The following B3GALT1 variants were observed in gnomAD, a reference collection of about 807,000 sequenced individuals.
The protein encoded by B3GALT1 is beta-1,3-galactosyltransferase 1.
Under a neutral mutation model 23.2 loss-of-function variants are expected in B3GALT1, and 10 were observed. The observed-to-expected ratio is 0.43, with a 90% CI of 0.27 to 0.73. B3GALT1 has a LOEUF of 0.73. B3GALT1 is among the 30% of genes least tolerant of loss of function. The pLI is 0.21. For synonymous variants in B3GALT1, 156 were observed against 141.5 expected, an observed-to-expected ratio of 1.10 and a Z score of -0.73; for missense variants, 299 against 405.4, an observed-to-expected ratio of 0.74 and a Z score of 2.25.
chr2:167,455,891 A>G (rs895484858), intron 1 of B3GALT1, among the ~76,000 whole-genome samples: 3 of 152,196 alleles, frequency 2.0e-5, no homozygotes, highest in Non-Finnish European at 2.9e-5. Flanking sequence ...AGAGTACAGC[A>G]TGTTTTAGTC....
intron 3 of B3GALT1, among the ~76,000 whole-genome samples, chr2:167,746,525 A>G (rs1687654723): frequency 6.6e-6 from 1 of 152,240 alleles, no homozygotes; most frequent in African/African-American, 2.4e-5. Context: ...CATAAGTTCA[A>G]CAAATACAGC....
chr2:167,639,177 T>C (rs1389655294), intron 2 of B3GALT1, among the ~76,000 whole-genome samples: 1 of 151,948 alleles, frequency 6.6e-6, no homozygotes, highest in Non-Finnish European at 1.5e-5. Context: ...GAAATAAAGA[T>C]AGAAAGTTAC....
chr2:167,633,247 AGGTTGAAAT>A (rs2105448988), intron 2 of B3GALT1, among the ~76,000 whole-genome samples: 1 of 152,092 alleles, frequency 6.6e-6, no homozygotes, highest in East Asian at 1.9e-4. Context: ...AGATTCACTG[AGGTTGAAAT>A]GAAGGAAAAA....
At chr2:167,403,148 A>G (rs1698219090) in intron 1 of B3GALT1, among the ~76,000 whole-genome samples, 1 of 149,108 alleles carries the variant, frequency 6.7e-6, no homozygotes, top group Admixed American at 6.7e-5. Context: ...CATTAGGCAT[A>G]TCTCCTAATG....
chr2:167,689,540 G>A (rs1395238790), intron 3 of B3GALT1, among the ~76,000 whole-genome samples: 1 of 152,138 alleles, frequency 6.6e-6, no homozygotes, highest in African/African-American at 2.4e-5. Flanking sequence ...TGAGTCTTCA[G>A]GCAAGGGGTG....
At chr2:167,820,894 C>T (rs1399742746) in intron 4 of B3GALT1, among the ~76,000 whole-genome samples, 2 of 152,192 alleles carry the variant, frequency 1.3e-5, no homozygotes, top group East Asian at 1.9e-4. Context: ...GTTTATATTC[C>T]TGGCGATGCT....
intron 3 of B3GALT1, among the ~76,000 whole-genome samples, chr2:167,706,141 G>A (rs1686963966): frequency 6.6e-6 from 1 of 152,126 alleles, no homozygotes; most frequent in African/African-American, 2.4e-5. Context: ...AAGAGCACAA[G>A]ATACAGAAAA....
intron 3 of B3GALT1, among the ~76,000 whole-genome samples, chr2:167,755,618 TTAAG>T (rs1240321320): frequency 6.6e-6 from 1 of 151,698 alleles, no homozygotes; most frequent in Non-Finnish European, 1.5e-5. Context: ...ACAAATTTGA[TTAAG>T]TAACTAAGTG....
At chr2:167,838,756 A>G (rs1454688716) in intron 4 of B3GALT1, among the ~76,000 whole-genome samples, 1 of 152,290 alleles carries the variant, frequency 6.6e-6, no homozygotes, top group Non-Finnish European at 1.5e-5. Context: ...ATCCTTGATG[A>G]ACATTGATGC....
At chr2:167,561,101 A>ACT (rs1267455111) in intron 2 of B3GALT1, among the ~76,000 whole-genome samples, 1 of 152,114 alleles carries the variant, frequency 6.6e-6, no homozygotes, top group Non-Finnish European at 1.5e-5. Context: ...ATTATAACAA[A>ACT]CTCTCTCAGA....
At chr2:167,327,629 CTTTG>C (rs1282540468) in intron 1 of B3GALT1, among the ~76,000 whole-genome samples, 3 of 151,922 alleles carry the variant, frequency 2.0e-5, no homozygotes, top group Admixed American at 6.6e-5. Context: ...TTAGTGGAGT[CTTTG>C]TTTTTTTAAA....
chr2:167,684,459 T>C (rs1686583817), intron 3 of B3GALT1, among the ~76,000 whole-genome samples: 2 of 152,182 alleles, frequency 1.3e-5, no homozygotes, highest in Non-Finnish European at 2.9e-5. Context: ...TATTACTAAT[T>C]AACCCTCTCA....
At chr2:167,552,369 C>A (rs1468092603) in intron 2 of B3GALT1, among the ~76,000 whole-genome samples, 1 of 152,096 alleles carries the variant, frequency 6.6e-6, no homozygotes, top group African/African-American at 2.4e-5. Flanking sequence ...CAGACGTGTA[C>A]AACCTTGCAT....
intron 4 of B3GALT1, among the ~76,000 whole-genome samples, chr2:167,845,702 G>A (rs541126792): frequency 6.6e-6 from 1 of 150,710 alleles, no homozygotes; most frequent in African/African-American, 2.5e-5. Context: ...TTAACACCGC[G>A]CCCCCACCCC....
intron 2 of B3GALT1, among the ~76,000 whole-genome samples, chr2:167,631,773 T>C (rs11383883): frequency 0.59 from 71,546 of 121,258 alleles, 20,185 homozygotes; most frequent in Non-Finnish European, 0.7. Flanking sequence ...TCTTTTCTTT[T>C]TTTTTTTTTT....
At chr2:167,794,039 C>A (rs926924397) in intron 3 of B3GALT1, among the ~76,000 whole-genome samples, 2 of 152,192 alleles carry the variant, frequency 1.3e-5, no homozygotes, top group Admixed American at 1.3e-4. Flanking sequence ...CACCAGATAT[C>A]TTAGTGGAAG....
intron 1 of B3GALT1, among the ~76,000 whole-genome samples, chr2:167,338,227 C>G (rs1697090591): frequency 2.0e-5 from 3 of 152,118 alleles, no homozygotes; most frequent in Non-Finnish European, 4.4e-5. Context: ...AAGTGTTAAG[C>G]TGGAGTAAAC....
intron 3 of B3GALT1, among the ~76,000 whole-genome samples, chr2:167,803,576 T>C (rs1688685065): frequency 6.6e-6 from 1 of 152,016 alleles, no homozygotes. Context: ...AGAGGAGAAA[T>C]ATGCTGGTGC....
At chr2:167,489,632 G>A (rs1030474355) in intron 1 of B3GALT1, among the ~76,000 whole-genome samples, 2 of 152,122 alleles carry the variant, frequency 1.3e-5, no homozygotes, top group South Asian at 2.1e-4. Flanking sequence ...ACTGGCTCAC[G>A]TCAGTATTAT....
Sources: gnomAD v4.1 joint callset for allele counts (sites outside exome capture counted in the v4.1 genomes callset) on GRCh38, gnomAD v4.1.1 for gene constraint, MANE v1.5 for transcripts, NCBI Gene and HGNC (gene_info 2026-07-23, HGNC 2026-07-21) for gene names.